ABCG5: variants seen among roughly 807,000 people sequenced by gnomAD.
The protein encoded by ABCG5 is ATP-binding cassette sub-family G member 5.
In ABCG5, 64 loss-of-function variants were observed where a neutral mutation model predicts 64.5. That is an observed-to-expected ratio of 0.99 (90% CI 0.81 to 1.22). ABCG5 has a LOEUF of 1.22. Ranked by LOEUF, ABCG5 falls within the 50% of genes most tolerant of loss-of-function variation. ABCG5 has a pLI of 0.00. For missense variants in ABCG5, 908 were observed against 829.5 expected, an observed-to-expected ratio of 1.09 and a Z score of -1.16; for synonymous variants, 385 against 326.3, an observed-to-expected ratio of 1.18 and a Z score of -1.94.
At chr2:43,833,577 G>C (rs560982483) in intron 2 of ABCG5, among the ~76,000 whole-genome samples, 2 of 151,844 alleles carry the variant, frequency 1.3e-5, no homozygotes, top group Non-Finnish European at 2.9e-5. Flanking sequence ...GTAGAGATGG[G>C]GTTTCACTGC....
chr2:43,828,523 A>G, intron 4 of ABCG5: 1 of 376,934 alleles, frequency 2.7e-6, no homozygotes. Flanking sequence ...TTAGCCGGGT[A>G]TGCTGGCACG....
chr2:43,826,102 A>T (rs945011499), intron 6 of ABCG5, among the ~76,000 whole-genome samples: 4 of 151,918 alleles, frequency 2.6e-5, no homozygotes, highest in African/African-American at 9.7e-5. Context: ...CAGCCTTCCA[A>T]GTAGCTGGGA....
intron 4 of ABCG5, among the ~76,000 whole-genome samples, chr2:43,829,771 A>G (rs1245780725): frequency 1.3e-5 from 2 of 152,182 alleles, no homozygotes; most frequent in Non-Finnish European, 2.9e-5. Context: ...TGGAAACAAA[A>G]CCATTGCATT....
chr2:43,825,747 C>T (rs547715705), intron 6 of ABCG5, among the ~76,000 whole-genome samples: 1 of 152,164 alleles, frequency 6.6e-6, no homozygotes, highest in Non-Finnish European at 1.5e-5. Context: ...GCTGGGATTA[C>T]AGGCGCACAC....
At position 43,838,712 on chromosome 2, in the gene ABCG5, T is replaced by G. The variant is rs772540819; in HGVS notation, c.-33A>C. On this transcript the variant is annotated 5_prime_UTR_variant, in exon 1 of 13. Transcript: ENST00000405322. The surrounding 1 kb of genome is among the most constrained non-coding windows in gnomAD (Gnocchi z 4.2). ...AGGCAGCAAAGCTGGGCAAATTTTC[T>G]GGTGGCCGGACCCTCCCCAGAGTGG... 13 of 1,610,484 alleles carry G rather than the reference T, an allele frequency of 8.1e-6. No homozygotes were observed. The highest frequency in any genetic ancestry group is 3.3e-4 in the Middle Eastern group (2 of 6,074).
intron 9 of ABCG5, 48 bp downstream of exon 9, chr2:43,823,865 G>A (rs1265479692): frequency 3.8e-6 from 6 of 1,592,924 alleles, no homozygotes; most frequent in African/African-American, 2.7e-5. Flanking sequence ...CTGGAGAAGG[G>A]AGGTATTTAG....
chr2:43,829,676 G>C (rs1224550306), intron 4 of ABCG5, among the ~76,000 whole-genome samples: 1 of 148,488 alleles, frequency 6.7e-6, no homozygotes, highest in Non-Finnish European at 1.5e-5. Context: ...AGAAACCCCA[G>C]GGGGAAAGCA....
intron 2 of ABCG5, among the ~76,000 whole-genome samples, chr2:43,837,539 G>A (rs183005604): frequency 1.9e-3 from 289 of 152,264 alleles, no homozygotes; most frequent in Non-Finnish European, 3.4e-3. Context: ...CTGTCTCTAG[G>A]CAGTGTACAG....
At chr2:43,807,903 T>A (rs551167627), downstream of ABCG5, among the ~76,000 whole-genome samples, 1 of 152,186 alleles carries the variant, frequency 6.6e-6, no homozygotes, top group Non-Finnish European at 1.5e-5. Flanking sequence ...GTTGAAGATC[T>A]AGTGGACTTG....
chr2:43,810,474 A>G (rs116774215), downstream of ABCG5: 1,487 of 985,418 alleles, frequency 1.5e-3, 25 homozygotes, highest in African/African-American at 0.023. Flanking sequence ...AGCCTTTAAG[A>G]AGCCATTCCA....
rs1002341725 is a variant in ABCG5 at position 43,838,801 on chromosome 2, G to A, written c.-122C>T. On this transcript the variant is annotated 5_prime_UTR_variant, in exon 1 of 13. Transcript: ENST00000405322. The surrounding 1 kb of genome is among the most constrained non-coding windows in gnomAD (Gnocchi z 4.2). Reference sequence around the variant, plus strand: ...TCCACCTGACCCCGGAGTCCCTTGGGACAGCAGGACTGGGACTTGGCCACG... The same window carrying A: ...TCCACCTGACCCCGGAGTCCCTTGGAACAGCAGGACTGGGACTTGGCCACG... 3.9e-6 allele frequency: 6 copies of A among 1,534,026 alleles called. No individual in the cohort carries two copies. In the African/African-American group the frequency reaches 6.9e-5, roughly 18 times the overall value.
intron 12 of ABCG5, among the ~76,000 whole-genome samples, chr2:43,813,955 G>A (rs1487241190): frequency 1.3e-5 from 2 of 151,930 alleles, no homozygotes; most frequent in Non-Finnish European, 1.5e-5. Flanking sequence ...TTGACCTCAA[G>A]TGATCCAACC....
rs961028913 is a variant in ABCG5 at position 43,812,837 on chromosome 2, T to C, written c.*279A>G. On this transcript the variant is annotated 3_prime_UTR_variant, in exon 13 of 13. Transcript: ENST00000405322. ...AGGAAAAAAAATAGTCACACGAGTCTCCCATAGGTTTATGAATATTATTTA... is the reference window on the plus strand; with the variant it reads ...AGGAAAAAAAATAGTCACACGAGTCCCCCATAGGTTTATGAATATTATTTA... 22 of 394,012 alleles carry C rather than the reference T, an allele frequency of 5.6e-5. No individual in the cohort carries two copies. The highest frequency in any genetic ancestry group is 4.0e-4 in the African/African-American group (20 of 49,650). 24.4% of individuals were successfully genotyped at this position (394,012 alleles called of 1,614,324 possible). A position where few individuals can be genotyped will look rare whatever the true frequency, so the allele number is the denominator to read the frequency against.
rs375042422 is a variant in ABCG5 at position 43,815,373 on chromosome 2, C to A, written c.1650-784G>T. ...AGATGTATCCTATCCCTAAAGAACT[C>A]ATAATGTAGTTGGAGATATAGAATA... On this transcript the variant is annotated intron_variant, in intron 11 of 12. Transcript: ENST00000405322. Among the ~76,000 whole-genome samples the A allele has an allele frequency of 1.2e-4, 19 of 152,228 alleles. 1 individual carries two copies. The highest frequency in any genetic ancestry group is 4.6e-4 in the African/African-American group (19 of 41,534).
At chr2:43,816,017 G>A (rs1027756200) in intron 11 of ABCG5, among the ~76,000 whole-genome samples, 5 of 152,126 alleles carry the variant, frequency 3.3e-5, no homozygotes, top group Middle Eastern at 3.4e-3. Flanking sequence ...TAGTGGCTAG[G>A]GTGCTATCTT....
chr2:43,831,224 G>C (rs1667927914), intron 4 of ABCG5, among the ~76,000 whole-genome samples: 3 of 152,140 alleles, frequency 2.0e-5, no homozygotes, highest in Admixed American at 2.0e-4. Context: ...TCAGGCTGGA[G>C]TGCAATGGTG....
chr2:43,832,030 CCG>C lies in ABCG5; in HGVS notation c.317_318del (p.Ala106GlyfsTer91). Reference sequence around the variant, plus strand: ...ACATACACCTCCCCCAGGAAGGTCCCCGCGCGCCCCAGCCTCCCGGACATGGC... The same window carrying C: ...ACATACACCTCCCCCAGGAAGGTCCCCGCGCCCCAGCCTCCCGGACATGGC... ...LDAMSGRLGR[A>X]GTFLGEVYVN... is the part of the protein sequence containing the mutation. On this transcript the variant is annotated frameshift_variant, in exon 3 of 13. Transcript: ENST00000405322. LOFTEE classifies it high-confidence loss of function. 2 of 1,574,216 alleles carry C rather than the reference CCG, an allele frequency of 1.3e-6. No individual in the cohort carries two copies. The highest frequency in any genetic ancestry group is 1.7e-6 in the Non-Finnish European group (2 of 1,160,216).
Position 43,831,940 on chromosome 2 carries a change from C to T in ABCG5, c.402+7G>A. ...GGGGGGGCCAGGGGTGTGGGGGACG[C>T]GCCCACCTGCAGGACGTAGGAGAAG... On this transcript the variant is annotated splice_region_variant and intron_variant, in intron 3 of 12. Coordinates refer to ENST00000405322, the MANE Select transcript of ABCG5 (RefSeq NM_022436.3). 6.5e-7 allele frequency: 1 copy of T among 1,548,722 alleles called. No homozygotes were observed. The highest frequency in any genetic ancestry group is 8.7e-7 in the Non-Finnish European group (1 of 1,146,842).
At chr2:43,807,711 G>A (rs1666315614), downstream of ABCG5, among the ~76,000 whole-genome samples, 1 of 121,192 alleles carries the variant, frequency 8.3e-6, no homozygotes, top group East Asian at 2.7e-4. Context: ...GAGCCACTGT[G>A]CCCAGCTTCT....
Sources: allele counts gnomAD v4.1 joint callset (sites outside exome capture counted in the v4.1 genomes callset), GRCh38; gene constraint gnomAD v4.1.1; non-coding constraint Gnocchi (gnomAD v3.1); transcripts MANE v1.5; gene names NCBI Gene and HGNC (gene_info 2026-07-23, HGNC 2026-07-21).